The following GRIK3 variants were observed in gnomAD, a reference collection of about 807,000 sequenced individuals.
GRIK3 encodes the protein glutamate receptor ionotropic, kainate 3.
In GRIK3, 29 loss-of-function variants were observed where a neutral mutation model predicts 102.5. That is an observed-to-expected ratio of 0.28 (90% CI 0.21 to 0.39). The LOEUF (loss-of-function observed/expected upper bound fraction) is 0.39. Among genes scored for constraint, GRIK3 ranks in the 10% least tolerant of loss-of-function variants. The pLI is 1.00. For synonymous variants in GRIK3, 511 were observed against 504.9 expected (o/e 1.01, Z -0.16); for missense variants, 908 against 1,252.4 (o/e 0.73, Z 4.15).
At chr1:36,994,085 G>A (rs1054104449) in intron 1 of GRIK3, among the ~76,000 whole-genome samples, 19 of 152,230 alleles carry the variant, frequency 1.2e-4, no homozygotes, top group African/African-American at 4.1e-4. Flanking sequence ...CATGGACAGT[G>A]CTGGCCCAAT....
intron 1 of GRIK3, among the ~76,000 whole-genome samples, chr1:36,940,310 G>A (rs886133034): frequency 6.6e-6 from 1 of 152,184 alleles, no homozygotes; most frequent in Admixed American, 6.5e-5. Context: ...ATCCAGAGAG[G>A]TCCAGTGCTC....
At position 36,872,156 on chromosome 1, in the gene GRIK3, G is replaced by A. The variant is rs2124253745; in HGVS notation, c.732+32C>T. 1 of 1,528,552 alleles carries A rather than the reference G, an allele frequency of 6.5e-7. No homozygotes were observed. Among genetic ancestry groups the A allele is most frequent in the Middle Eastern group, 1.8e-4 (1 of 5,598 alleles). 94.7% of individuals were successfully genotyped at this position (1,528,552 alleles called of 1,614,324 possible). A position where few individuals can be genotyped will look rare whatever the true frequency, so the allele number is the denominator to read the frequency against. ...TGGGAGAAGTGGCCAGCAGACCCCA[G>A]TCATCTGTCCCGGTGGCCAGCACTC... On this transcript the variant is annotated intron_variant, in intron 4 of 15. Coordinates refer to ENST00000373091, the MANE Select transcript of GRIK3 (RefSeq NM_000831.4). This position sits in a 1 kb window ranked among gnomAD's most constrained non-coding sequence, Gnocchi z 5.9.
chr1:36,977,255 T>A (rs1642205186), intron 1 of GRIK3, among the ~76,000 whole-genome samples: 2 of 152,248 alleles, frequency 1.3e-5, no homozygotes, highest in Non-Finnish European at 1.5e-5. Flanking sequence ...AAATCATGCC[T>A]GCCTCTCCCA....
chr1:36,990,432 C>T (rs1428939111), intron 1 of GRIK3, among the ~76,000 whole-genome samples: 2 of 152,266 alleles, frequency 1.3e-5, no homozygotes, highest in East Asian at 1.9e-4. Flanking sequence ...CAGCAATGTT[C>T]CCTGGGTCTG....
chr1:36,802,907 TC>T lies in GRIK3; in HGVS notation c.2566-863del, dbSNP rs150036070. The stretch of plus-strand genomic sequence containing the variant: ...CCTACTACATGCAGAATGTCATCCC[TC>T]CTTGCCTCCTTTTCTTCATTCCACA... On this transcript the variant is annotated intron_variant, in intron 15 of 15. Transcript: ENST00000373091. Among the ~76,000 whole-genome samples, 507 of 152,212 alleles carry T rather than the reference TC, an allele frequency of 3.3e-3. 2 individuals are homozygous for T. Among genetic ancestry groups the T allele is most frequent in the African/African-American group, 0.011 (476 of 41,542 alleles).
intron 2 of GRIK3, among the ~76,000 whole-genome samples, chr1:36,881,710 T>C (rs1344109402): frequency 6.6e-6 from 1 of 152,160 alleles, no homozygotes; most frequent in Non-Finnish European, 1.5e-5. Flanking sequence ...GGGTGAGACT[T>C]CCACAGTATA....
chr1:36,959,836 G>C (rs822859), intron 1 of GRIK3, among the ~76,000 whole-genome samples: 58,352 of 100,110 alleles, frequency 0.58, 19,404 homozygotes, highest in East Asian at 0.89. Flanking sequence ...TGTGCCCTGT[G>C]AGTCTGTGTG....
At chr1:36,989,530 G>C (rs751952590) in intron 1 of GRIK3, among the ~76,000 whole-genome samples, 187 of 152,236 alleles carry the variant, frequency 1.2e-3, no homozygotes, top group Non-Finnish European at 1.7e-3. Flanking sequence ...TCCTCCCGGG[G>C]GCCTGGCTGG....
chr1:36,994,029 C>G (rs1053457091), intron 1 of GRIK3, among the ~76,000 whole-genome samples: 2 of 152,220 alleles, frequency 1.3e-5, no homozygotes, highest in Non-Finnish European at 2.9e-5. Context: ...CCACACTTCA[C>G]CATCCAGACC....
intron 1 of GRIK3, among the ~76,000 whole-genome samples, chr1:36,987,848 T>G (rs1177561869): frequency 6.6e-6 from 1 of 152,090 alleles, no homozygotes; most frequent in African/African-American, 2.4e-5. Context: ...CTAAGTACTG[T>G]ACCTAGGAAG....
At chr1:36,844,324 C>T (rs893287711) in intron 9 of GRIK3, among the ~76,000 whole-genome samples, 4 of 152,224 alleles carry the variant, frequency 2.6e-5, no homozygotes, top group Non-Finnish European at 5.9e-5. Context: ...ACCAAGCAGG[C>T]AGCTCAACAA....
chr1:36,845,936 C>T (rs944228799), intron 9 of GRIK3, among the ~76,000 whole-genome samples: 5 of 152,098 alleles, frequency 3.3e-5, no homozygotes, highest in Admixed American at 1.3e-4. Flanking sequence ...GATGTGCACA[C>T]GGCACAAATG....
intron 1 of GRIK3, among the ~76,000 whole-genome samples, chr1:36,979,225 C>T (rs762151958): frequency 6.6e-6 from 1 of 152,264 alleles, no homozygotes; most frequent in South Asian, 2.1e-4. Flanking sequence ...CGCTACAACA[C>T]ATGCTCTACC....
At chr1:37,017,209 T>C (rs568540902) in intron 1 of GRIK3, among the ~76,000 whole-genome samples, 152 of 126,204 alleles carry the variant, frequency 1.2e-3, no homozygotes, top group African/African-American at 4.5e-3. Context: ...AGTGAGACTT[T>C]GTCTCAAAAA....
intron 9 of GRIK3, 56 bp from the exon 10 acceptor site, chr1:36,841,995 G>A (rs1640459793): frequency 1.4e-6 from 2 of 1,400,438 alleles, no homozygotes; most frequent in East Asian, 2.3e-5. Context: ...GGCGGAGGCA[G>A]GCTTGCACTG....
At chr1:37,029,403 C>T (rs75303822) in intron 1 of GRIK3, among the ~76,000 whole-genome samples, 2,971 of 152,268 alleles carry the variant, frequency 0.02, 81 homozygotes, top group African/African-American at 0.059. Context: ...GTGAAGCACC[C>T]GCTGTTTCAG....
intron 1 of GRIK3, among the ~76,000 whole-genome samples, chr1:36,934,908 A>G (rs1324119231): frequency 1.3e-5 from 2 of 151,920 alleles, no homozygotes; most frequent in Non-Finnish European, 1.5e-5. Flanking sequence ...TCTGGCACCT[A>G]TGTCTACTTT....
intron 10 of GRIK3, 151 bp downstream of exon 10, chr1:36,841,585 G>T: frequency 1.5e-6 from 1 of 674,686 alleles, no homozygotes. Flanking sequence ...TTCAGCTGAG[G>T]CCCCCCAGTC....
chr1:36,998,061 C>A (rs796505623), intron 1 of GRIK3, among the ~76,000 whole-genome samples: 1 of 152,194 alleles, frequency 6.6e-6, no homozygotes, highest in African/African-American at 2.4e-5. Context: ...GACTGACTGA[C>A]TGACTGAATG....
Sources: gnomAD v4.1 joint callset for allele counts (sites outside exome capture counted in the v4.1 genomes callset) on GRCh38, gnomAD v4.1.1 for gene constraint, Gnocchi (gnomAD v3.1) non-coding constraint, MANE v1.5 for transcripts, NCBI Gene and HGNC (gene_info 2026-07-23, HGNC 2026-07-21) for gene names.